CDK12: variants seen among roughly 807,000 people sequenced by gnomAD.
The protein encoded by CDK12 is cyclin dependent kinase 12.
A neutral mutation model predicts 133.8 loss-of-function variants in CDK12; 17 were observed. The ratio of observed to expected loss-of-function variants is 0.13; its 90% CI spans 0.09 to 0.19. The LOEUF (loss-of-function observed/expected upper bound fraction) is 0.19, where lower values mean the gene tolerates loss of function less well. Among genes scored for constraint, CDK12 ranks in the 10% least tolerant of loss-of-function variants. CDK12 has a pLI of 1.00. For missense variants in CDK12, 1,508 were observed against 1,818.7 expected (o/e 0.83, Z 3.11); for synonymous variants, 694 against 683.6 (o/e 1.02, Z -0.24).
At chr17:39,555,449 G>A (rs2056118128) in intron 2 of CDK12, among the ~76,000 whole-genome samples, 1 of 151,622 alleles carries the variant, frequency 6.6e-6, no homozygotes, top group Non-Finnish European at 1.5e-5. Flanking sequence ...AGATGGCTTT[G>A]GTTAGAAAAA....
rs946819913 is a variant in CDK12, at chr17:39,470,863, C to T, written c.1047-16C>T. The T allele has an allele frequency of 1.3e-6, 2 of 1,582,500 alleles. No homozygotes were observed. The highest frequency in any genetic ancestry group is 2.7e-5 in the African/African-American group (2 of 73,096). On this transcript the variant is annotated splice_polypyrimidine_tract_variant and intron_variant, in intron 1 of 13. Coordinates refer to ENST00000447079, the MANE Select transcript of CDK12 (RefSeq NM_016507.4). Reference sequence around the variant, plus strand: ...CTGTAGTCCATTCATTTAAAACTGGCTTTTTATTTTTCCAGTAGGAAATCC... The same window carrying T: ...CTGTAGTCCATTCATTTAAAACTGGTTTTTTATTTTTCCAGTAGGAAATCC...
intron 2 of CDK12, among the ~76,000 whole-genome samples, chr17:39,472,837 A>C (rs538559452): frequency 6.6e-6 from 1 of 152,256 alleles, no homozygotes; most frequent in Admixed American, 6.6e-5. Flanking sequence ...GCACTTTGGG[A>C]GGCCAAGGCG....
At chr17:39,563,471 C>G (rs1361920273) in intron 3 of CDK12, among the ~76,000 whole-genome samples, 1 of 89,164 alleles carries the variant, frequency 1.1e-5, no homozygotes, top group East Asian at 4.5e-4. Flanking sequence ...CCGCCCCCCC[C>G]CCGCCCCCAT....
intron 6 of CDK12, among the ~76,000 whole-genome samples, chr17:39,509,311 A>G (rs754633322): frequency 6.6e-6 from 1 of 152,138 alleles, no homozygotes; most frequent in Non-Finnish European, 1.5e-5. Context: ...GTCTTTCTCA[A>G]TCTAGAGCAA....
chr17:39,469,456 G>A lies in CDK12; in HGVS notation c.1047-1423G>A, dbSNP rs115101814. ...CCTAAGCCTTATGTGTTGGGAATTT[G>A]TTTAGTACTTTATTTTAAACTTTAC... is the stretch of plus-strand genomic sequence containing the variant. On this transcript the variant is annotated intron_variant, in intron 1 of 13. Coordinates refer to ENST00000447079, the MANE Select transcript of CDK12 (RefSeq NM_016507.4). Among the ~76,000 whole-genome samples the A allele has an allele frequency of 7.7e-4, 117 of 152,190 alleles. 1 individual carries two copies. The highest frequency in any genetic ancestry group is 2.6e-3 in the African/African-American group (110 of 41,534).
At chr17:39,502,241 C>G (rs1437151822) in intron 6 of CDK12, among the ~76,000 whole-genome samples, 1 of 152,086 alleles carries the variant, frequency 6.6e-6, no homozygotes. Flanking sequence ...CAAGCTCTGC[C>G]TCCCAGGTTC....
At chr17:39,506,885 T>TTTATTTAC (rs1233633630) in intron 6 of CDK12, among the ~76,000 whole-genome samples, 7 of 152,132 alleles carry the variant, frequency 4.6e-5, no homozygotes, top group African/African-American at 1.7e-4. Context: ...TTTTATTTTG[T>TTTATTTAC]TTATTTACTT....
At chr17:39,497,930 A>G (rs995837881) in intron 5 of CDK12, among the ~76,000 whole-genome samples, 1 of 151,824 alleles carries the variant, frequency 6.6e-6, no homozygotes, top group Admixed American at 6.6e-5. Flanking sequence ...TATATTCCTT[A>G]TATTTTGGGT....
chr17:39,498,878 T>C (rs1305706727), intron 5 of CDK12, among the ~76,000 whole-genome samples: 39 of 188 alleles, frequency 0.21, 15 homozygotes, highest in African/African-American at 0.51. Flanking sequence ...ATTTTCTCTT[T>C]CTTTCTTTCT....
At chr17:39,509,820 G>A (rs780358442) in intron 7 of CDK12, 59 bp downstream of exon 7, 85 of 1,318,010 alleles carry the variant, frequency 6.4e-5, no homozygotes, top group Admixed American at 1.2e-4. Flanking sequence ...TTGTTTTTTT[G>A]AGGCAGGATC....
intron 2 of CDK12, among the ~76,000 whole-genome samples, chr17:39,488,246 A>AC (rs961975749): frequency 1.3e-5 from 2 of 151,942 alleles, no homozygotes; most frequent in African/African-American, 4.8e-5. Flanking sequence ...AAAAAAAAAA[A>AC]GATTGAAAAC....
chr17:39,480,475 C>G (rs981564025), intron 2 of CDK12, among the ~76,000 whole-genome samples: 1 of 151,250 alleles, frequency 6.6e-6, no homozygotes, highest in Admixed American at 6.6e-5. Flanking sequence ...GAGAGTTTTG[C>G]TAGTTGCCCA....
chr17:39,564,870 T>C (rs1006182513), downstream of CDK12: 20 of 152,178 alleles, frequency 1.3e-4, no homozygotes, highest in African/African-American at 4.3e-4. Context: ...CTGCAGTACG[T>C]AGAGCATCAA....
chr17:39,506,387 G>T (rs1416190409), intron 6 of CDK12, among the ~76,000 whole-genome samples: 1 of 150,940 alleles, frequency 6.6e-6, no homozygotes, highest in Non-Finnish European at 1.5e-5. Flanking sequence ...GCTAATTTTT[G>T]TATTTTTAGT....
intron 2 of CDK12, among the ~76,000 whole-genome samples, chr17:39,472,970 G>A (rs1311813628): frequency 6.6e-6 from 1 of 151,566 alleles, no homozygotes; most frequent in Non-Finnish European, 1.5e-5. Flanking sequence ...CAGCTACTTG[G>A]GAGGCTGAGG....
In CDK12 at chr17:39,466,963, C is replaced by CATTTT. The variant is rs565424155; in HGVS notation, c.1046+3872_1046+3876dup. Among the ~76,000 whole-genome samples the CATTTT allele has an allele frequency of 1.3e-3, 201 of 151,746 alleles. 2 individuals are homozygous for CATTTT. The highest frequency in any genetic ancestry group is 0.012 in the East Asian group (60 of 5,164). On this transcript the variant is annotated intron_variant, in intron 1 of 13. Coordinates refer to ENST00000447079, the MANE Select transcript of CDK12 (RefSeq NM_016507.4). ...GAGACAGTCAAAATGAAATAAGCAA[C>CATTTT]ATTTTATTTTATTTTATTTTATTTT...
downstream of CDK12, among the ~76,000 whole-genome samples, chr17:39,565,797 T>C (rs556338409): frequency 6.6e-6 from 1 of 152,352 alleles, no homozygotes; most frequent in East Asian, 1.9e-4. Context: ...GTCTGGATGT[T>C]GGTATCCAGG....
intron 3 of CDK12, among the ~76,000 whole-genome samples, chr17:39,557,528 C>T (rs1193196787): frequency 6.6e-6 from 1 of 152,132 alleles, no homozygotes; most frequent in African/African-American, 2.4e-5. Flanking sequence ...GTTCTACTCA[C>T]CATCCTCACT....
intron 2 of CDK12, among the ~76,000 whole-genome samples, chr17:39,473,754 G>A (rs371499077): frequency 3.3e-5 from 5 of 151,990 alleles, no homozygotes; most frequent in Admixed American, 1.3e-4. Flanking sequence ...GCGTGGTGGC[G>A]GTTGCCTATA....
Sources: gnomAD v4.1 joint callset for allele counts (sites outside exome capture counted in the v4.1 genomes callset) on GRCh38, gnomAD v4.1.1 for gene constraint, MANE v1.5 for transcripts, NCBI Gene and HGNC (gene_info 2026-07-23, HGNC 2026-07-21) for gene names.